Variants in TESK2 observed in about 807,000 individuals in gnomAD.
TESK2 encodes testis associated actin remodelling kinase 2, also known as dual specificity testis-specific protein kinase 2.
A neutral mutation model predicts 57.1 loss-of-function variants in TESK2; 39 were observed. That is an observed-to-expected ratio of 0.68 (90% CI 0.53 to 0.89). The LOEUF is 0.89. Among genes scored for constraint, TESK2 ranks in the 40% least tolerant of loss-of-function variants. TESK2 has a pLI of 0.00. For missense variants in TESK2, 646 were observed against 732.1 expected, an observed-to-expected ratio of 0.88 and a Z score of 1.36; for synonymous variants, 249 against 267.9, an observed-to-expected ratio of 0.93 and a Z score of 0.69.
At chr1:45,477,961 T>A (rs1370410655) in intron 1 of TESK2, among the ~76,000 whole-genome samples, 1 of 152,226 alleles carries the variant, frequency 6.6e-6, no homozygotes, top group Non-Finnish European at 1.5e-5. Flanking sequence ...ACTCAATTAA[T>A]GTCTTTTTGG....
chr1:45,415,501 T>C (rs1260419300), intron 3 of TESK2, among the ~76,000 whole-genome samples: 2 of 152,160 alleles, frequency 1.3e-5, no homozygotes, highest in Non-Finnish European at 2.9e-5. Flanking sequence ...CTTCCATGCA[T>C]AGCTGGATTG....
chr1:45,405,714 C>A lies in TESK2; in HGVS notation c.344+16011G>T, dbSNP rs150378412. ...ATATCTACATATATATACACACACA[C>A]ACAAAAATTAGCCAGGTGTGGTGGT... is the stretch of plus-strand genomic sequence containing the variant. On this transcript the variant is annotated intron_variant, in intron 3 of 10. Transcript: ENST00000372086. Among the ~76,000 whole-genome samples the A allele has an allele frequency of 3.4e-3, 519 of 150,814 alleles. 7 individuals are homozygous for A. Among genetic ancestry groups the A allele is most frequent in the East Asian group, 0.031 (161 of 5,136 alleles).
intron 3 of TESK2, 81 bp downstream of exon 3, chr1:45,421,643 CT>C (rs1158820347): frequency 5.1e-6 from 8 of 1,563,294 alleles, no homozygotes; most frequent in East Asian, 4.5e-5. Context: ...TGAATCCCTC[CT>C]TTTTTTCCTA....
chr1:45,488,464 A>G (rs749567008), intron 1 of TESK2, among the ~76,000 whole-genome samples: 7 of 152,164 alleles, frequency 4.6e-5, no homozygotes, highest in Non-Finnish European at 1.0e-4. Context: ...TGACTGACAT[A>G]TTTCCTAGAT....
chr1:45,423,121 T>C (rs1431116687), intron 2 of TESK2, among the ~76,000 whole-genome samples: 3 of 152,162 alleles, frequency 2.0e-5, no homozygotes, highest in African/African-American at 7.2e-5. Context: ...TGGTGAGTCT[T>C]AAGACACCAA....
At chr1:45,365,954 A>G (rs891987800) in intron 4 of TESK2, among the ~76,000 whole-genome samples, 1 of 151,946 alleles carries the variant, frequency 6.6e-6, no homozygotes, top group African/African-American at 2.4e-5. Context: ...GATTACAGGC[A>G]TGAGCCACTG....
At chr1:45,414,998 G>T (rs117931068) in intron 3 of TESK2, 58 of 788,878 alleles carry the variant, frequency 7.4e-5, no homozygotes, top group Middle Eastern at 2.5e-4. Flanking sequence ...TGCTGCCACC[G>T]CCAGGAGCCC....
At chr1:45,443,568 C>CAAAAAAAAAAAA in intron 2 of TESK2, among the ~76,000 whole-genome samples, 1 of 32,020 alleles carries the variant, frequency 3.1e-5, no homozygotes, top group Non-Finnish European at 5.3e-5. Flanking sequence ...AGATCCATCG[C>CAAAAAAAAAAAA]AAAAAAAAAA....
At chr1:45,454,186 T>C (rs1397633578) in intron 2 of TESK2, among the ~76,000 whole-genome samples, 1 of 152,136 alleles carries the variant, frequency 6.6e-6, no homozygotes, top group Non-Finnish European at 1.5e-5. Context: ...ATGTTTTCAC[T>C]TACATAAGAT....
intron 4 of TESK2, among the ~76,000 whole-genome samples, chr1:45,375,588 G>A (rs1173274625): frequency 1.3e-5 from 2 of 151,694 alleles, no homozygotes; most frequent in Admixed American, 6.6e-5. Flanking sequence ...TCCTCTGCCC[G>A]CCCCCTGCTG....
intron 1 of TESK2, among the ~76,000 whole-genome samples, chr1:45,490,219 T>C (rs1653659458): frequency 1.3e-5 from 2 of 152,166 alleles, no homozygotes; most frequent in African/African-American, 2.4e-5. Context: ...CCTCAGCAAG[T>C]TCTTCTCAGA....
intron 1 of TESK2, among the ~76,000 whole-genome samples, chr1:45,461,180 CA>C (rs1652316458): frequency 6.6e-6 from 1 of 151,360 alleles, no homozygotes; most frequent in Non-Finnish European, 1.5e-5. Context: ...TTTTAAACAT[CA>C]GGAATTTTAA....
At chr1:45,357,581 A>G (rs965745237) in intron 4 of TESK2, among the ~76,000 whole-genome samples, 4 of 151,904 alleles carry the variant, frequency 2.6e-5, no homozygotes, top group Non-Finnish European at 5.9e-5. Context: ...AAAAGAAAAA[A>G]AAGTGAATAA....
intron 1 of TESK2, among the ~76,000 whole-genome samples, chr1:45,482,531 A>C (rs1258221234): frequency 6.6e-6 from 1 of 152,030 alleles, no homozygotes; most frequent in Admixed American, 6.6e-5. Context: ...CAAAAAAATA[A>C]ATAAATAAAA....
intron 2 of TESK2, among the ~76,000 whole-genome samples, chr1:45,446,068 T>C (rs1651636092): frequency 6.6e-6 from 1 of 152,084 alleles, no homozygotes; most frequent in Middle Eastern, 3.2e-3. Context: ...TTCCAAGTAC[T>C]TGGCACAGAA....
At chr1:45,462,510 G>A (rs1444694025) in intron 1 of TESK2, among the ~76,000 whole-genome samples, 1 of 152,144 alleles carries the variant, frequency 6.6e-6, no homozygotes, top group African/African-American at 2.4e-5. Context: ...CTGACATTGT[G>A]ATCCGCCCAC....
At chr1:45,405,509 G>T (rs1649803167) in intron 3 of TESK2, among the ~76,000 whole-genome samples, 1 of 151,310 alleles carries the variant, frequency 6.6e-6, no homozygotes, top group Non-Finnish European at 1.5e-5. Context: ...AAAATATTCA[G>T]GGCCAGGTGC....
intron 2 of TESK2, among the ~76,000 whole-genome samples, chr1:45,451,684 A>G (rs1473614910): frequency 6.6e-6 from 1 of 152,120 alleles, no homozygotes; most frequent in African/African-American, 2.4e-5. Flanking sequence ...CTGGCTCGAC[A>G]TTTGTGGAGG....
intron 2 of TESK2, among the ~76,000 whole-genome samples, chr1:45,423,425 C>T (rs1387482247): frequency 1.3e-5 from 2 of 151,908 alleles, no homozygotes; most frequent in Non-Finnish European, 2.9e-5. Context: ...GGCGTGGTGG[C>T]GGGCACCTGT....
Sources: gnomAD v4.1 joint callset for allele counts (sites outside exome capture counted in the v4.1 genomes callset) on GRCh38, gnomAD v4.1.1 for gene constraint, MANE v1.5 for transcripts, NCBI Gene and HGNC (gene_info 2026-07-23, HGNC 2026-07-21) for gene names.